Variants in CDH13 observed in about 807,000 individuals in gnomAD.
CDH13 encodes cadherin 13, also known as cadherin-13.
CDH13 carries 24 observed loss-of-function variants against 63.8 expected under a neutral mutation model. The observed-to-expected ratio is 0.38, with a 90% CI of 0.27 to 0.53. CDH13 has a LOEUF of 0.53. Ranked by LOEUF, CDH13 falls within the 20% of genes least tolerant of loss-of-function variation. The probability of loss-of-function intolerance (pLI) is 0.85; values close to 1 mark genes in which losing one functional copy is unlikely to be tolerated. For missense variants in CDH13, 1,049 were observed against 903.1 expected (o/e 1.16, Z -2.07); for synonymous variants, 503 against 355.3 (o/e 1.42, Z -4.67).
intron 1 of CDH13, among the ~76,000 whole-genome samples, chr16:82,794,262 C>A (rs936019595): frequency 4.0e-5 from 6 of 150,746 alleles, no homozygotes; most frequent in African/African-American, 1.5e-4. Context: ...TCCACTGTGG[C>A]CCAGGGAAGC....
intron 1 of CDH13, among the ~76,000 whole-genome samples, chr16:82,688,037 A>T (rs1915259385): frequency 1.3e-5 from 2 of 152,202 alleles, no homozygotes; most frequent in Admixed American, 1.3e-4. Flanking sequence ...TCTATATGGC[A>T]GCAATGGTTC....
chr16:82,998,617 T>C (rs189839743), intron 2 of CDH13, among the ~76,000 whole-genome samples: 1 of 152,260 alleles, frequency 6.6e-6, no homozygotes, highest in African/African-American at 2.4e-5. Context: ...GCTTTCCAAT[T>C]TAGATCCTTC....
At chr16:83,460,458 T>A (rs1017362971) in intron 6 of CDH13, among the ~76,000 whole-genome samples, 2 of 152,032 alleles carry the variant, frequency 1.3e-5, no homozygotes, top group African/African-American at 4.8e-5. Context: ...AATAGCAAAA[T>A]AGGAAATGGC....
intron 2 of CDH13, among the ~76,000 whole-genome samples, chr16:82,875,454 G>C (rs1314907858): frequency 2.0e-5 from 3 of 152,172 alleles, no homozygotes; most frequent in Non-Finnish European, 4.4e-5. Flanking sequence ...TGAATGACAA[G>C]GTCTCAGAAA....
rs141251794 is a variant in CDH13, at chr16:83,588,550, G to T, written c.961-13904G>T. Among the ~76,000 whole-genome samples the T allele has an allele frequency of 8.7e-4, 132 of 152,306 alleles. 2 individuals carry two copies. The East Asian group carries it at 0.014, about 16-fold the overall frequency. The stretch of plus-strand genomic sequence containing the variant: ...GTGTCTCAAGGGGCAAGGCACTGGG[G>T]CTATGGCAGGAATAAGTTAAAGACA... On this transcript the variant is annotated intron_variant, in intron 7 of 13. Coordinates refer to ENST00000567109, the MANE Select transcript of CDH13 (RefSeq NM_001257.5).
chr16:83,341,311 G>T (rs2090717263), intron 5 of CDH13, among the ~76,000 whole-genome samples: 1 of 152,196 alleles, frequency 6.6e-6, no homozygotes. Flanking sequence ...GATACTGGAG[G>T]ATGCGCTGGA....
intron 10 of CDH13, among the ~76,000 whole-genome samples, chr16:83,699,575 C>T (rs1447988508): frequency 1.3e-5 from 2 of 152,206 alleles, no homozygotes; most frequent in African/African-American, 4.8e-5. Flanking sequence ...CCTGTGCCAG[C>T]CTGTGGCATC....
intron 13 of CDH13, among the ~76,000 whole-genome samples, chr16:83,787,483 C>A (rs185326864): frequency 1.3e-5 from 2 of 152,166 alleles, no homozygotes; most frequent in Non-Finnish European, 2.9e-5. Flanking sequence ...CATTTGAATA[C>A]GGTGCAGTGG....
At chr16:83,560,780 A>G (rs2075688944) in intron 7 of CDH13, among the ~76,000 whole-genome samples, 1 of 151,188 alleles carries the variant, frequency 6.6e-6, no homozygotes, top group Non-Finnish European at 1.5e-5. Context: ...CCAAATTCCC[A>G]AGAGATCACA....
chr16:82,947,387 G>C (rs762405247), intron 2 of CDH13, among the ~76,000 whole-genome samples: 3 of 152,072 alleles, frequency 2.0e-5, no homozygotes, highest in Admixed American at 6.6e-5. Context: ...TATTATAGTT[G>C]CAAACTGGAT....
At chr16:83,137,855 T>C (rs1387267254) in intron 4 of CDH13, among the ~76,000 whole-genome samples, 2 of 147,288 alleles carry the variant, frequency 1.4e-5, no homozygotes, top group Admixed American at 1.4e-4. Flanking sequence ...ACCAATAAAG[T>C]GTTTTTTGTT....
chr16:82,866,382 T>C (rs1434716918), intron 2 of CDH13, among the ~76,000 whole-genome samples: 24 of 64,026 alleles, frequency 3.7e-4, no homozygotes, highest in African/African-American at 1.0e-3. Context: ...TTCTTCTTTT[T>C]TTTTTTTTTT....
intron 2 of CDH13, among the ~76,000 whole-genome samples, chr16:82,968,018 C>A (rs1051350396): frequency 3.3e-5 from 5 of 152,108 alleles, no homozygotes; most frequent in Admixed American, 2.6e-4. Context: ...TACCAAATGG[C>A]GATTCTCTAA....
intron 4 of CDH13, among the ~76,000 whole-genome samples, chr16:83,147,449 C>T (rs1285383983): frequency 1.3e-5 from 2 of 152,140 alleles, no homozygotes; most frequent in Non-Finnish European, 2.9e-5. Context: ...GACGTAAATT[C>T]CAAGCTTCTC....
chr16:83,421,643 A>G (rs2071716972), intron 6 of CDH13, among the ~76,000 whole-genome samples: 1 of 151,162 alleles, frequency 6.6e-6, no homozygotes, highest in Non-Finnish European at 1.5e-5. Context: ...ATGATTTTTA[A>G]TTATTCAGGA....
intron 1 of CDH13, among the ~76,000 whole-genome samples, chr16:82,688,304 C>T (rs1915290034): frequency 6.6e-6 from 1 of 152,158 alleles, no homozygotes; most frequent in South Asian, 2.1e-4. Context: ...ATCTAAGCCC[C>T]TAAATACACA....
At chr16:83,651,223 A>G (rs1318546596) in intron 8 of CDH13, among the ~76,000 whole-genome samples, 2 of 152,230 alleles carry the variant, frequency 1.3e-5, no homozygotes. Context: ...GTGAGAGACT[A>G]GGGTACTGTA....
intron 1 of CDH13, among the ~76,000 whole-genome samples, chr16:82,632,706 T>C (rs1042927152): frequency 1.4e-5 from 1 of 71,250 alleles, no homozygotes; most frequent in Non-Finnish European, 5.0e-5. Flanking sequence ...CGGACTAGAA[T>C]TGGGGGGATG....
intron 5 of CDH13, among the ~76,000 whole-genome samples, chr16:83,276,181 C>G (rs936780069): frequency 2.0e-5 from 3 of 152,064 alleles, no homozygotes; most frequent in Non-Finnish European, 4.4e-5. Context: ...CCAATCCATC[C>G]CAATCACTCC....
Sources: gnomAD v4.1 joint callset for allele counts (sites outside exome capture counted in the v4.1 genomes callset) on GRCh38, gnomAD v4.1.1 for gene constraint, MANE v1.5 for transcripts, NCBI Gene and HGNC (gene_info 2026-07-23, HGNC 2026-07-21) for gene names.